SMYD4: variants seen among roughly 807,000 people sequenced by gnomAD.
SMYD4 encodes the protein protein-lysine N-methyltransferase SMYD4.
Under a neutral mutation model 72.8 loss-of-function variants are expected in SMYD4, and 68 were observed. That is an observed-to-expected ratio of 0.93 (90% CI 0.77 to 1.14). SMYD4 has a LOEUF of 1.14. SMYD4 is among the 50% of genes most tolerant of loss of function. The pLI, the probability that SMYD4 is intolerant of heterozygous loss-of-function variation, is 0.00. For missense variants in SMYD4, 984 were observed against 1,003.7 expected, an observed-to-expected ratio of 0.98 and a Z score of 0.27; for synonymous variants, 407 against 388.6, an observed-to-expected ratio of 1.05 and a Z score of -0.56.
chr17:1,817,365 C>A (rs1343260634), intron 2 of SMYD4, among the ~76,000 whole-genome samples: 2 of 151,912 alleles, frequency 1.3e-5, no homozygotes, highest in East Asian at 3.9e-4. Context: ...GAGACAAGGT[C>A]TTGCTCTGTC....
chr17:1,788,014 T>C (rs550006048), intron 5 of SMYD4, among the ~76,000 whole-genome samples: 1 of 152,298 alleles, frequency 6.6e-6, no homozygotes, highest in African/African-American at 2.4e-5. Flanking sequence ...GTTTATCTGG[T>C]CTTTGGTTGG....
chr17:1,819,549 C>T (rs1174164101), intron 2 of SMYD4, among the ~76,000 whole-genome samples: 1 of 152,126 alleles, frequency 6.6e-6, no homozygotes, highest in African/African-American at 2.4e-5. Context: ...TAGGGCCATA[C>T]TTTGAGATCA....
At chr17:1,825,800 A>G (rs1045739371) in intron 2 of SMYD4, among the ~76,000 whole-genome samples, 1 of 151,356 alleles carries the variant, frequency 6.6e-6, no homozygotes, top group African/African-American at 2.4e-5. Context: ...ACCGCACCCA[A>G]CCTCATCTTC....
intron 2 of SMYD4, among the ~76,000 whole-genome samples, chr17:1,827,284 G>A (rs1457985773): frequency 4.6e-5 from 7 of 151,200 alleles, no homozygotes; most frequent in African/African-American, 1.5e-4. Context: ...GGAGGCAGTG[G>A]GCTGAGATTG....
At chr17:1,803,610 C>T (rs1909881807) in intron 4 of SMYD4, among the ~76,000 whole-genome samples, 1 of 152,150 alleles carries the variant, frequency 6.6e-6, no homozygotes, top group Non-Finnish European at 1.5e-5. Flanking sequence ...AGAGATTCTC[C>T]TGCCTCAGCC....
intron 2 of SMYD4, among the ~76,000 whole-genome samples, chr17:1,826,288 T>C (rs957821424): frequency 6.7e-6 from 1 of 149,970 alleles, no homozygotes; most frequent in Non-Finnish European, 1.5e-5. Flanking sequence ...AGGCCAGGAG[T>C]TGGAGACCAG....
At chr17:1,822,003 T>A (rs960598635) in intron 2 of SMYD4, among the ~76,000 whole-genome samples, 2 of 151,482 alleles carry the variant, frequency 1.3e-5, no homozygotes, top group African/African-American at 4.9e-5. Flanking sequence ...GGCGGGTGGA[T>A]CCCTTGAGGT....
intron 5 of SMYD4, among the ~76,000 whole-genome samples, chr17:1,797,732 T>C (rs2151231253): frequency 6.6e-6 from 1 of 152,320 alleles, no homozygotes. Context: ...CCGGGCACGG[T>C]GGCTCACGCC....
chr17:1,789,339 A>G (rs1237727397), intron 5 of SMYD4, among the ~76,000 whole-genome samples: 3 of 152,212 alleles, frequency 2.0e-5, no homozygotes, highest in Non-Finnish European at 4.4e-5. Context: ...GTGAGCCCAG[A>G]TCACACTGCT....
rs1001449989 is a variant in SMYD4 at position 1,795,460 on chromosome 17, T to C, written c.1537+4397A>G. ...CTATCTATCTAATCATCTATCTATC[T>C]ATCTAAGAGACTTGCTGTGTCACCC... On this transcript the variant is annotated intron_variant, in intron 5 of 10. Coordinates refer to ENST00000305513, the MANE Select transcript of SMYD4 (RefSeq NM_052928.3). 2.0e-5 allele frequency among the ~76,000 whole-genome samples: 3 copies of C among 151,808 alleles called. No individual in the cohort carries two copies. The South Asian group carries it at 6.2e-4, about 32-fold the overall frequency.
Position 1,787,594 on chromosome 17 carries a change from C to T in SMYD4, c.1548G>A (p.Gly516=), listed in dbSNP as rs759627180. The part of the protein sequence containing the change: ...MTTIQHTGPK[G]SIVTDSRQVR... ...CCTGCCTGCTGTCGGTAACGATGCT[C>T]CCTTTAGGTCCTGAAAGGGCAAGAG... Residue 516 remains glycine (G), a synonymous_variant, in exon 6 of 11, where the codon GGG becomes GGA. Coordinates refer to ENST00000305513, the MANE Select transcript of SMYD4 (RefSeq NM_052928.3). The T allele has an allele frequency of 3.8e-6, 6 of 1,586,330 alleles. No individual in the cohort carries two copies. The highest frequency in any genetic ancestry group is 1.2e-5 in the South Asian group (1 of 86,572).
chr17:1,790,631 C>T (rs189066676), intron 5 of SMYD4, among the ~76,000 whole-genome samples: 2 of 152,138 alleles, frequency 1.3e-5, no homozygotes, highest in African/African-American at 4.8e-5. Context: ...ATTCTCCTGC[C>T]TCAGCCTCCT....
At chr17:1,783,775 T>C in intron 8 of SMYD4, 1 of 446,906 alleles carries the variant, frequency 2.2e-6, no homozygotes, top group Non-Finnish European at 4.0e-6. Flanking sequence ...CTCTTGACCC[T>C]GAAATCTAAG....
chr17:1,821,380 G>C (rs1352781140), intron 2 of SMYD4, among the ~76,000 whole-genome samples: 1 of 151,994 alleles, frequency 6.6e-6, no homozygotes, highest in East Asian at 1.9e-4. Flanking sequence ...TGGGCGCGGT[G>C]GTGCATGCCT....
chr17:1,783,021 G>A lies in SMYD4; in HGVS notation c.2261+14C>T. 1.9e-6 allele frequency: 3 copies of A among 1,612,692 alleles called. No homozygotes were observed. The highest frequency in any genetic ancestry group is 2.5e-6 in the Non-Finnish European group (3 of 1,179,592). On this transcript the variant is annotated intron_variant, in intron 10 of 10. Transcript: ENST00000305513. The stretch of plus-strand genomic sequence containing the variant: ...GGAACAGTGTGTGCCCTGTGAAGTG[G>A]GAAAGGGACTCACCCGTTGAAAAAG...
rs572510778 is a variant in SMYD4 at position 1,780,990 on chromosome 17, G to T, written c.*296C>A. ...GCTGGAGTGCAGTGGAGCGATCTCG[G>T]CTCACTGCAACCTCCGCCTCCTGGG... On this transcript the variant is annotated 3_prime_UTR_variant, in exon 11 of 11. Coordinates refer to ENST00000305513, the MANE Select transcript of SMYD4 (RefSeq NM_052928.3). 2.2e-5 allele frequency: 5 copies of T among 230,928 alleles called. No individual in the cohort carries two copies. The East Asian group carries it at 6.5e-4, about 30-fold the overall frequency. The allele number at this position is 230,928 out of a possible 1,614,324, so 14.3% of individuals were successfully genotyped here. A position where few individuals can be genotyped will look rare whatever the true frequency, so the allele number is the denominator to read the frequency against.
intron 2 of SMYD4, among the ~76,000 whole-genome samples, chr17:1,824,375 A>T (rs1341803483): frequency 6.6e-6 from 1 of 152,138 alleles, no homozygotes; most frequent in African/African-American, 2.4e-5. Context: ...AATACACTAT[A>T]AAGTCACAGT....
At chr17:1,812,794 C>T (rs1051294287) in intron 2 of SMYD4, among the ~76,000 whole-genome samples, 5 of 152,098 alleles carry the variant, frequency 3.3e-5, no homozygotes, top group Non-Finnish European at 7.4e-5. Context: ...AATGGTCCAC[C>T]TGCCTCACCC....
Position 1,785,409 on chromosome 17 carries a change from TGA to T in SMYD4, c.1885-950_1885-949del, listed in dbSNP as rs536140429. Among the ~76,000 whole-genome samples the T allele has an allele frequency of 8.1e-3, 975 of 120,822 alleles. 12 individuals are homozygous for T. Among genetic ancestry groups the T allele is most frequent in the Non-Finnish European group, 9.9e-3 (603 of 61,016 alleles). 79.3% of individuals were successfully genotyped at this position (120,822 alleles called of 152,430 possible). ...CCACTGCACTCCAGCCTGGGTGACA[TGA>T]GAGAGACTCTGTCTCACAAAAGAAA... is the stretch of plus-strand genomic sequence containing the variant. On this transcript the variant is annotated intron_variant, in intron 7 of 10. Coordinates refer to ENST00000305513, the MANE Select transcript of SMYD4 (RefSeq NM_052928.3).
Sources: allele counts gnomAD v4.1 joint callset (sites outside exome capture counted in the v4.1 genomes callset), GRCh38; gene constraint gnomAD v4.1.1; transcripts MANE v1.5; gene names NCBI Gene and HGNC (gene_info 2026-07-23, HGNC 2026-07-21).